The following PIEZO1 variants were observed in gnomAD, a reference collection of about 807,000 sequenced individuals.
The protein encoded by PIEZO1 is piezo type mechanosensitive ion channel component 1 (Er blood group), also known as piezo-type mechanosensitive ion channel component 1.
Under a neutral mutation model 297.2 loss-of-function variants are expected in PIEZO1, and 296 were observed. The ratio of observed to expected loss-of-function variants is 1.00; its 90% CI spans 0.91 to 1.10. The LOEUF (loss-of-function observed/expected upper bound fraction) is 1.10. PIEZO1 is among the 50% of genes least tolerant of loss of function. The probability of loss-of-function intolerance (pLI) is 0.00; values close to 1 mark genes in which losing one functional copy is unlikely to be tolerated. For synonymous variants in PIEZO1, 2,427 were observed against 1,507.5 expected (o/e 1.61, Z -14.13); for missense variants, 5,018 against 3,455.5 (o/e 1.45, Z -11.34).
At position 88,738,007 on chromosome 16, in the gene PIEZO1, G is replaced by A. The variant is rs1905362713; in HGVS notation, c.947C>T (p.Pro316Leu). ...GTAGCACAGCAGCAGGAGGACGCCG[G>A]GGCTGGCATACACAGGCCAGTCCAG... ...TGLDWPVYASPGVLLLLCYAT... is the reference protein window; with the variant it reads ...TGLDWPVYASLGVLLLLCYAT... The change falls in exon 8 of 51, where the codon CCC (proline) becomes CTC (leucine). Residue 316 changes from proline (P) to leucine (L), a missense_variant. Coordinates refer to ENST00000301015, the MANE Select transcript of PIEZO1 (RefSeq NM_001142864.4). 6.5e-7 allele frequency: 1 copy of A among 1,535,412 alleles called. No individual in the cohort carries two copies. The highest frequency in any genetic ancestry group is 1.2e-5 in the South Asian group (1 of 84,044).
intron 1 of PIEZO1, among the ~76,000 whole-genome samples, chr16:88,777,158 G>C (rs1170600888): frequency 6.6e-6 from 1 of 152,184 alleles, no homozygotes; most frequent in Non-Finnish European, 1.5e-5. Context: ...TTTTCAGTAG[G>C]GACAGGGTTT....
intron 12 of PIEZO1, among the ~76,000 whole-genome samples, chr16:88,735,684 G>T (rs142963186): frequency 6.6e-6 from 1 of 152,280 alleles, no homozygotes; most frequent in African/African-American, 2.4e-5. Flanking sequence ...GTCCAGACAC[G>T]ATGCTGGCAC....
intron 1 of PIEZO1, among the ~76,000 whole-genome samples, chr16:88,773,294 C>T (rs77411043): frequency 0.092 from 14,059 of 152,294 alleles, 2,079 homozygotes; most frequent in African/African-American, 0.31. Context: ...AGTGGGCAGC[C>T]AACGAGGGAC....
At position 88,737,974 on chromosome 16, in the gene PIEZO1, G is replaced by A. The variant is rs886379180; in HGVS notation, c.980C>T (p.Ala327Val). Residue 327 changes from alanine (A) to valine (V), a missense_variant, in exon 8 of 51, where the codon GCC (alanine) becomes GTC (valine). Coordinates refer to ENST00000301015, the MANE Select transcript of PIEZO1 (RefSeq NM_001142864.4). Reference protein sequence around the residue: ...GVLLLLCYATASLRKLRAYRP... With the variant: ...GVLLLLCYATVSLRKLRAYRP... The stretch of plus-strand genomic sequence containing the variant: ...GTACGCGCGGAGCTTGCGCAGAGAG[G>A]CCGTGGCGTAGCACAGCAGCAGGAG... 1.2e-4 allele frequency: 181 copies of A among 1,534,168 alleles called. No individual in the cohort carries two copies. Among genetic ancestry groups the A allele is most frequent in the Non-Finnish European group, 1.5e-4 (170 of 1,145,970 alleles).
rs994611294 is a variant in PIEZO1, at chr16:88,732,425, A to T, written c.2901T>A (p.Phe967Leu). ...CCAGCTGCTGGCGGGTGCCGCTGGC[A>T]AACACGGCCTGGGCAGGCAGCGGGG... Reference protein sequence around the residue: ...QLAPLPAQAVFASGTRQQLDQ... With the variant: ...QLAPLPAQAVLASGTRQQLDQ... The change falls in exon 21 of 51, where the codon TTT becomes TTA. Residue 967 changes from phenylalanine to leucine, a missense_variant. Coordinates refer to ENST00000301015, the MANE Select transcript of PIEZO1 (RefSeq NM_001142864.4). 8.4e-6 allele frequency: 13 copies of T among 1,549,748 alleles called. No homozygotes were observed. The highest frequency in any genetic ancestry group is 1.0e-5 in the Non-Finnish European group (12 of 1,146,520).
chr16:88,737,695 C>T (rs1277053775), intron 9 of PIEZO1, 33 bp downstream of exon 9: 1 of 1,533,838 alleles, frequency 6.5e-7, no homozygotes, highest in Non-Finnish European at 8.7e-7. Flanking sequence ...GGGCGCCCCC[C>T]ACGCTGGCGT....
Position 88,731,830 on chromosome 16 carries a change from G to A in PIEZO1, c.3072C>T (p.Ala1024=). The stretch of plus-strand genomic sequence containing the variant: ...CCTGGCGGTGCCTGCGGGTGAGGAT[G>A]GCCACCAGCCAGCAACCGTGCAGGG... ...LVTLHGCWLV[A]ILTRRHRQAI... is the part of the protein sequence containing the mutation. Residue 1024 remains alanine (A), a synonymous_variant, in exon 22 of 51, where the codon GCC becomes GCT. Coordinates refer to ENST00000301015, the MANE Select transcript of PIEZO1 (RefSeq NM_001142864.4). 1 of 1,387,624 alleles carries A rather than the reference G, an allele frequency of 7.2e-7. No homozygotes were observed. The highest frequency in any genetic ancestry group is 9.5e-7 in the Non-Finnish European group (1 of 1,049,356). 86.0% of individuals were successfully genotyped at this position (1,387,624 alleles called of 1,614,324 possible). A position where few individuals can be genotyped will look rare whatever the true frequency, so the allele number is the denominator to read the frequency against.
intron 1 of PIEZO1, among the ~76,000 whole-genome samples, chr16:88,750,034 G>C (rs776033534): frequency 4.8e-5 from 7 of 147,110 alleles, no homozygotes; most frequent in Non-Finnish European, 1.0e-4. Flanking sequence ...AAAAGAGAAA[G>C]AAAGAAAATG....
chr16:88,769,513 C>T (rs1907326302), intron 1 of PIEZO1, among the ~76,000 whole-genome samples: 2 of 152,218 alleles, frequency 1.3e-5, no homozygotes, highest in South Asian at 4.1e-4. Context: ...TGCGGAACGC[C>T]TCGGCAGCAA....
chr16:88,782,077 G>A (rs1445253400), intron 1 of PIEZO1, among the ~76,000 whole-genome samples: 2 of 152,170 alleles, frequency 1.3e-5, no homozygotes, highest in African/African-American at 4.8e-5. Flanking sequence ...CTGGAGGTGC[G>A]GTCCCATATT....
Position 88,733,615 on chromosome 16 carries a change from C to G in PIEZO1, c.2460G>C (p.Leu820=). The G allele has an allele frequency of 6.5e-7, 1 of 1,548,958 alleles. No homozygotes were observed. The highest frequency in any genetic ancestry group is 8.7e-7 in the Non-Finnish European group (1 of 1,146,110). ...CCTTCAGGGCCACCCAGACGGTGTA[C>G]AGGGCCACCAGCTTGAAAACGTGAA... is the stretch of plus-strand genomic sequence containing the variant. ...LELHVFKLVA[L]YTVWVALKEV... The change falls in exon 18 of 51, where the codon CTG becomes CTC. Residue 820 remains leucine (L), a synonymous_variant. Coordinates refer to ENST00000301015, the MANE Select transcript of PIEZO1 (RefSeq NM_001142864.4).
chr16:88,777,188 G>A (rs1234702958), intron 1 of PIEZO1, among the ~76,000 whole-genome samples: 1 of 152,234 alleles, frequency 6.6e-6, no homozygotes. Flanking sequence ...GGCCAGGCTG[G>A]TCTTGAACTC....
At chr16:88,755,035 T>G (rs1351568405) in intron 1 of PIEZO1, among the ~76,000 whole-genome samples, 3 of 152,198 alleles carry the variant, frequency 2.0e-5, no homozygotes, top group Non-Finnish European at 4.4e-5. Flanking sequence ...TGGACACACC[T>G]GCGGCCATCA....
rs1210457505 is a variant in PIEZO1 at position 88,736,729 on chromosome 16, C to G, written c.1206G>C (p.Lys402Asn). Residue 402 changes from lysine to asparagine, a missense_variant, in exon 11 of 51, where the codon AAG becomes AAC. Lys to Asn is a moderately conservative substitution (Grantham distance 94, BLOSUM62 0). Coordinates refer to ENST00000301015, the MANE Select transcript of PIEZO1 (RefSeq NM_001142864.4). Reference sequence around the variant, plus strand: ...GAGACGCCTCCCTGGGCTCAGCCCGCTTGGGCCGCACTGCAGGTGGGGACA... The same window carrying G: ...GAGACGCCTCCCTGGGCTCAGCCCGGTTGGGCCGCACTGCAGGTGGGGACA... ...SSVLRRPVRP[K>N]RAEPREASPL... is the part of the protein sequence containing the mutation. The G allele has an allele frequency of 2.0e-5, 30 of 1,529,792 alleles. No individual in the cohort carries two copies. The highest frequency in any genetic ancestry group is 2.6e-5 in the Non-Finnish European group (30 of 1,143,602). 94.8% of individuals were successfully genotyped at this position (1,529,792 alleles called of 1,614,324 possible). A position where few individuals can be genotyped will look rare whatever the true frequency, so the allele number is the denominator to read the frequency against.
At chr16:88,779,348 A>C (rs1191620048) in intron 1 of PIEZO1, among the ~76,000 whole-genome samples, 1 of 152,088 alleles carries the variant, frequency 6.6e-6, no homozygotes, top group African/African-American at 2.4e-5. Flanking sequence ...AAGGGATCCC[A>C]TTTTGGACGG....
At chr16:88,764,376 G>GT (rs990645622) in intron 1 of PIEZO1, among the ~76,000 whole-genome samples, 2 of 152,142 alleles carry the variant, frequency 1.3e-5, no homozygotes, top group African/African-American at 4.8e-5. Context: ...TTAGGCTGAG[G>GT]TTCATCCAAA....
At position 88,716,555 on chromosome 16, in the gene PIEZO1, G is replaced by T; in HGVS notation, c.6926+4C>A. 12 of 1,541,102 alleles carry T rather than the reference G, an allele frequency of 7.8e-6. No homozygotes were observed. Among genetic ancestry groups the T allele is most frequent in the Non-Finnish European group, 9.6e-6 (11 of 1,140,864 alleles). On this transcript the variant is annotated splice_donor_region_variant and intron_variant, in intron 47 of 50. Coordinates refer to ENST00000301015, the MANE Select transcript of PIEZO1 (RefSeq NM_001142864.4). The stretch of plus-strand genomic sequence containing the variant: ...CCAGGCACTGCCCCAAGTCCAGGAC[G>T]AACCTCTGGAAGTTCCAGGTGAAGC...
intron 10 of PIEZO1, 100 bp from the exon 11 acceptor site, chr16:88,736,839 G>A: frequency 1.4e-6 from 1 of 700,774 alleles, no homozygotes; most frequent in South Asian, 1.9e-5. Flanking sequence ...CACACAGCAG[G>A]AGAGACAGGC....
intron 1 of PIEZO1, among the ~76,000 whole-genome samples, chr16:88,782,956 C>A (rs1035486678): frequency 2.6e-5 from 4 of 152,212 alleles, no homozygotes; most frequent in Non-Finnish European, 5.9e-5. Context: ...GACACAGAAT[C>A]AGTGTGGGGT....
Sources: gnomAD v4.1 joint callset for allele counts (sites outside exome capture counted in the v4.1 genomes callset) on GRCh38, gnomAD v4.1.1 for gene constraint, MANE v1.5 for transcripts, NCBI Gene and HGNC (gene_info 2026-07-23, HGNC 2026-07-21) for gene names.